The following PAQR5 variants were observed in gnomAD, a reference collection of about 807,000 sequenced individuals.
The protein encoded by PAQR5 is membrane progestin receptor gamma.
PAQR5 carries 20 observed loss-of-function variants against 34.5 expected under a neutral mutation model. The observed-to-expected ratio is 0.58, with a 90% CI of 0.41 to 0.84. PAQR5 has a LOEUF of 0.84. Ranked by LOEUF, PAQR5 falls within the 40% of genes least tolerant of loss-of-function variation. The pLI, the probability that PAQR5 is intolerant of heterozygous loss-of-function variation, is 0.00. For synonymous variants in PAQR5, 131 were observed against 155.6 expected (o/e 0.84, Z 1.18); for missense variants, 378 against 412.7 (o/e 0.92, Z 0.73).
At chr15:69,301,318 CAGAG>C (rs907325297) in intron 1 of PAQR5, among the ~76,000 whole-genome samples, 2 of 152,064 alleles carry the variant, frequency 1.3e-5, no homozygotes, top group African/African-American at 2.4e-5. Flanking sequence ...TGTGCTTTTC[CAGAG>C]AGACAGAGGA....
chr15:69,358,632 C>CCTTTTTTTTTT (rs1567019143), intron 2 of PAQR5, among the ~76,000 whole-genome samples: 2 of 6,568 alleles, frequency 3.0e-4, no homozygotes, highest in African/African-American at 5.0e-4. Flanking sequence ...AGCTCTGTGG[C>CCTTTTTTTTTT]ATTTTTTTTT....
At chr15:69,325,427 C>T (rs1419051696) in intron 1 of PAQR5, among the ~76,000 whole-genome samples, 3 of 152,138 alleles carry the variant, frequency 2.0e-5, no homozygotes, top group Non-Finnish European at 4.4e-5. Flanking sequence ...CTGCAATAAC[C>T]ACTGCTTTAC....
rs1183111255 is a variant in PAQR5, at chr15:69,322,762, AAGAAGAAGAGGG to A, written c.-276-14569_-276-14558del. 2.0e-3 allele frequency among the ~76,000 whole-genome samples: 96 copies of A among 46,844 alleles called. 13 individuals carry two copies. Among genetic ancestry groups the A allele is most frequent in the Non-Finnish European group, 2.8e-3 (62 of 22,308 alleles). 30.7% of individuals were successfully genotyped at this position (46,844 alleles called of 152,430 possible). Reference sequence around the variant, plus strand: ...GAAGAAGAAGAAGAAGAAGAAGAAGAAGAAGAAGAGGGAGAAGAAGAAGACGAGGAAGAAGAA... The same window carrying A: ...GAAGAAGAAGAAGAAGAAGAAGAAGAAGAAGAAGAAGACGAGGAAGAAGAA... On this transcript the variant is annotated intron_variant, in intron 1 of 8. Transcript: ENST00000395407.
chr15:69,358,738 CTCA>C (rs2055149764), intron 2 of PAQR5, among the ~76,000 whole-genome samples: 1 of 146,846 alleles, frequency 6.8e-6, no homozygotes, highest in Non-Finnish European at 1.5e-5. Context: ...CTGAAGTGAT[CTCA>C]CTTTAGCCCG....
At chr15:69,367,148 C>T (rs545311253) in intron 3 of PAQR5, among the ~76,000 whole-genome samples, 1 of 152,224 alleles carries the variant, frequency 6.6e-6, no homozygotes, top group East Asian at 1.9e-4. Flanking sequence ...GTTTAGTCTA[C>T]TTATATTTAT....
intron 3 of PAQR5, among the ~76,000 whole-genome samples, chr15:69,362,993 C>G (rs777183376): frequency 7.2e-5 from 11 of 152,228 alleles, no homozygotes; most frequent in South Asian, 6.2e-4. Context: ...CTTTGCTCCC[C>G]CTTTGTGACT....
rs1378102774 is a variant in PAQR5, at chr15:69,360,004, G to C, written c.-77G>C. 22 of 1,142,626 alleles carry C rather than the reference G, an allele frequency of 1.9e-5. No individual in the cohort carries two copies. Among genetic ancestry groups the C allele is most frequent in the African/African-American group, 3.1e-5 (2 of 65,544 alleles). The allele number at this position is 1,142,626 out of a possible 1,614,324, so 70.8% of individuals were successfully genotyped here. A position where few individuals can be genotyped will look rare whatever the true frequency, so the allele number is the denominator to read the frequency against. Reference sequence around the variant, plus strand: ...CACCAGCTAGGCAGAGACGCCCCAGGCCATGTTAGAGCTTTGAGTGAGGCC... The same window carrying C: ...CACCAGCTAGGCAGAGACGCCCCAGCCCATGTTAGAGCTTTGAGTGAGGCC... On this transcript the variant is annotated 5_prime_UTR_variant, in exon 3 of 9. Coordinates refer to ENST00000395407, the MANE Select transcript of PAQR5 (RefSeq NM_017705.4).
chr15:69,331,236 T>C lies in PAQR5; in HGVS notation c.-276-6105T>C, dbSNP rs950017410. ...CCACTGGTTCTGTAGCCCTATGGTG[T>C]GGTGTCTGTAACTCCACCATGGGGT... On this transcript the variant is annotated intron_variant, in intron 1 of 8. Transcript: ENST00000395407. Among the ~76,000 whole-genome samples the C allele has an allele frequency of 2.0e-5, 3 of 152,032 alleles. 1 individual carries two copies. The highest frequency in any genetic ancestry group is 2.0e-4 in the Admixed American group (3 of 15,258).
chr15:69,332,892 G>T (rs541301557), intron 1 of PAQR5, among the ~76,000 whole-genome samples: 1 of 151,072 alleles, frequency 6.6e-6, no homozygotes, highest in Admixed American at 6.6e-5. Flanking sequence ...CATGTGGGAA[G>T]TTAACTGTGG....
intron 2 of PAQR5, among the ~76,000 whole-genome samples, chr15:69,358,681 G>A (rs1175988452): frequency 8.4e-6 from 1 of 118,982 alleles, no homozygotes; most frequent in African/African-American, 3.4e-5. Context: ...GCTCTGGCTG[G>A]AGTGCAGTGG....
chr15:69,353,200 C>T (rs560108736), intron 2 of PAQR5, among the ~76,000 whole-genome samples: 5 of 152,314 alleles, frequency 3.3e-5, no homozygotes, highest in African/African-American at 1.2e-4. Flanking sequence ...CCTGATGTGG[C>T]ACCATTACCT....
chr15:69,315,864 G>A (rs1054002360), intron 1 of PAQR5, among the ~76,000 whole-genome samples: 1 of 152,076 alleles, frequency 6.6e-6, no homozygotes, highest in Non-Finnish European at 1.5e-5. Context: ...CCCCTCCACT[G>A]TCATGCACTT....
In PAQR5 at chr15:69,403,615, C is replaced by T; in HGVS notation, c.786C>T (p.Ile262=). ...HSHQLFHVCV[I]LATHMQMEAI... is the part of the protein sequence containing the mutation. ...ACCAGCTGTTTCACGTGTGTGTGAT[C>T]CTGGCCACGCACATGCAGATGGAAG... Residue 262 remains isoleucine (I), a synonymous_variant, in exon 9 of 9, where the codon ATC becomes ATT. Coordinates refer to ENST00000395407, the MANE Select transcript of PAQR5 (RefSeq NM_017705.4). The T allele has an allele frequency of 6.2e-7, 1 of 1,614,040 alleles. No individual in the cohort carries two copies. Among genetic ancestry groups the T allele is most frequent in the Non-Finnish European group, 8.5e-7 (1 of 1,179,980 alleles).
chr15:69,377,990 T>C (rs1486059554), intron 3 of PAQR5, among the ~76,000 whole-genome samples: 1 of 151,782 alleles, frequency 6.6e-6, no homozygotes, highest in African/African-American at 2.4e-5. Context: ...AGGCTGGGCG[T>C]GGTAGCTCAT....
intron 4 of PAQR5, among the ~76,000 whole-genome samples, chr15:69,380,555 A>G (rs1040793012): frequency 2.6e-5 from 4 of 152,214 alleles, no homozygotes; most frequent in African/African-American, 4.8e-5. Flanking sequence ...CAGCCTGTAG[A>G]TGGAGCCAGC....
chr15:69,404,378 C>G lies in PAQR5; in HGVS notation c.*556C>G, dbSNP rs375259228. The G allele has an allele frequency of 1.0e-4, 16 of 153,124 alleles. No individual in the cohort carries two copies. The highest frequency in any genetic ancestry group is 5.7e-4 in the East Asian group (3 of 5,218). 9.5% of individuals were successfully genotyped at this position (153,124 alleles called of 1,614,324 possible). A position where few individuals can be genotyped will look rare whatever the true frequency, so the allele number is the denominator to read the frequency against. ...GGAGAGCCCTTCTTCCCTTCTCCAC[C>G]TAGTGAAGGGAGAACAGAAGGGGAG... On this transcript the variant is annotated 3_prime_UTR_variant, in exon 9 of 9. Coordinates refer to ENST00000395407, the MANE Select transcript of PAQR5 (RefSeq NM_017705.4).
intron 1 of PAQR5, among the ~76,000 whole-genome samples, chr15:69,316,750 G>A (rs776220705): frequency 1.1e-4 from 16 of 152,128 alleles, no homozygotes; most frequent in Non-Finnish European, 2.4e-4. Flanking sequence ...GTTGCTCTGG[G>A]GATTATAAAA....
intron 4 of PAQR5, 121 bp downstream of exon 4, chr15:69,380,131 TGG>T: frequency 1.8e-6 from 2 of 1,098,562 alleles, no homozygotes; most frequent in Non-Finnish European, 2.7e-6. Flanking sequence ...GGATCCCCCG[TGG>T]GTACACGCGG....
At chr15:69,354,049 CT>C (rs2054994560) in intron 2 of PAQR5, among the ~76,000 whole-genome samples, 1 of 152,152 alleles carries the variant, frequency 6.6e-6, no homozygotes, top group Non-Finnish European at 1.5e-5. Flanking sequence ...TTGGGCCTCT[CT>C]TAGAATTATC....
Sources: gnomAD v4.1 joint callset for allele counts (sites outside exome capture counted in the v4.1 genomes callset) on GRCh38, gnomAD v4.1.1 for gene constraint, MANE v1.5 for transcripts, NCBI Gene and HGNC (gene_info 2026-07-23, HGNC 2026-07-21) for gene names.